TMEM132C: variants seen among roughly 807,000 people sequenced by gnomAD.
TMEM132C encodes the protein protein phosphatase 1, regulatory subunit 152.
TMEM132C carries 29 observed loss-of-function variants against 61.4 expected under a neutral mutation model. The ratio of observed to expected loss-of-function variants is 0.47; its 90% confidence interval spans 0.35 to 0.64. TMEM132C has a LOEUF of 0.64. Among genes scored for constraint, TMEM132C ranks in the 30% least tolerant of loss-of-function variants. The probability of loss-of-function intolerance (pLI) is 0.00; values close to 1 mark genes in which losing one functional copy is unlikely to be tolerated. For synonymous variants in TMEM132C, 656 were observed against 633.1 expected, an observed-to-expected ratio of 1.04 and a Z score of -0.54; for missense variants, 1,408 against 1,476.9, an observed-to-expected ratio of 0.95 and a Z score of 0.76.
chr12:128,527,707 ATGTGTGTGTGTG>A (rs5801799), intron 2 of TMEM132C, among the ~76,000 whole-genome samples: 2 of 147,196 alleles, frequency 1.4e-5, no homozygotes. Context: ...ATGTGCATGT[ATGTGTGTGTGTG>A]TGTGTGTGTG....
At chr12:128,268,014 G>A (rs937894115) in intron 1 of TMEM132C, among the ~76,000 whole-genome samples, 1 of 152,218 alleles carries the variant, frequency 6.6e-6, no homozygotes, top group Admixed American at 6.5e-5. Context: ...GTCTCTGTGC[G>A]GGCCCTAGAG....
chr12:128,289,316 G>A (rs1209884954), intron 1 of TMEM132C, among the ~76,000 whole-genome samples: 3 of 152,162 alleles, frequency 2.0e-5, no homozygotes, highest in African/African-American at 2.4e-5. Flanking sequence ...ACACATACGT[G>A]AATGCAGCCT....
At chr12:128,280,702 T>G (rs142890093) in intron 1 of TMEM132C, among the ~76,000 whole-genome samples, 4 of 152,218 alleles carry the variant, frequency 2.6e-5, no homozygotes, top group Non-Finnish European at 5.9e-5. Context: ...TGTTATACTG[T>G]TGGCTTCCTT....
intron 4 of TMEM132C, among the ~76,000 whole-genome samples, chr12:128,620,653 T>A (rs929947026): frequency 2.0e-5 from 3 of 152,198 alleles, no homozygotes; most frequent in Non-Finnish European, 4.4e-5. Context: ...GACTGATATA[T>A]TTAGTCTGAA....
intron 3 of TMEM132C, among the ~76,000 whole-genome samples, chr12:128,602,736 C>G (rs957408400): frequency 2.0e-5 from 3 of 152,200 alleles, no homozygotes; most frequent in Non-Finnish European, 4.4e-5. Context: ...TGGAATTAGG[C>G]CAATGTCCCA....
intron 2 of TMEM132C, among the ~76,000 whole-genome samples, chr12:128,521,317 ATATGTGTGTGTGTGTG>A (rs1372978831): frequency 2.1e-5 from 3 of 146,196 alleles, no homozygotes; most frequent in South Asian, 2.3e-4. Flanking sequence ...GTATATATAT[ATATGTGTGTGTGTGTG>A]TGTGTGTGTG....
intron 4 of TMEM132C, among the ~76,000 whole-genome samples, chr12:128,637,120 T>G (rs1954110072): frequency 6.6e-6 from 1 of 152,218 alleles, no homozygotes; most frequent in African/African-American, 2.4e-5. Context: ...TGGATATACC[T>G]CCAGAAGTGG....
At chr12:128,403,843 A>G (rs1329732042) in intron 1 of TMEM132C, among the ~76,000 whole-genome samples, 2 of 152,220 alleles carry the variant, frequency 1.3e-5, no homozygotes, top group African/African-American at 4.8e-5. Context: ...CTTTGATTAA[A>G]GTCCTTCCCC....
chr12:128,272,669 A>G (rs1220110703), intron 1 of TMEM132C, among the ~76,000 whole-genome samples: 1 of 152,126 alleles, frequency 6.6e-6, no homozygotes, highest in Non-Finnish European at 1.5e-5. Context: ...GCAGCATTTG[A>G]TATTATCCAT....
chr12:128,604,406 A>AAGATAGAT (rs199758796), intron 3 of TMEM132C, among the ~76,000 whole-genome samples: 24,078 of 144,338 alleles, frequency 0.17, 2,168 homozygotes, highest in Middle Eastern at 0.19. Flanking sequence ...TAATGGATGG[A>AAGATAGAT]AGATAGATAG....
At chr12:128,510,072 G>A (rs916461763) in intron 2 of TMEM132C, among the ~76,000 whole-genome samples, 1 of 152,184 alleles carries the variant, frequency 6.6e-6, no homozygotes, top group Non-Finnish European at 1.5e-5. Flanking sequence ...CACTCCTGAG[G>A]CTGGTGACCT....
intron 3 of TMEM132C, among the ~76,000 whole-genome samples, chr12:128,577,592 T>A (rs114478945): frequency 0.012 from 1,874 of 152,352 alleles, 46 homozygotes; most frequent in African/African-American, 0.043. Context: ...CGGAAACTAA[T>A]TGGCCCATCA....
intron 5 of TMEM132C, among the ~76,000 whole-genome samples, chr12:128,671,775 T>G (rs1954534869): frequency 6.6e-6 from 1 of 152,190 alleles, no homozygotes; most frequent in South Asian, 2.1e-4. Context: ...ATCCATATAC[T>G]ATGACGATTC....
chr12:128,574,562 ACT>A (rs1026090196), intron 3 of TMEM132C, among the ~76,000 whole-genome samples: 1 of 152,060 alleles, frequency 6.6e-6, no homozygotes, highest in African/African-American at 2.4e-5. Context: ...GCATGCTGTC[ACT>A]CTGTTTCTTT....
intron 2 of TMEM132C, among the ~76,000 whole-genome samples, chr12:128,536,658 C>G (rs546727495): frequency 6.6e-6 from 1 of 152,092 alleles, no homozygotes; most frequent in Non-Finnish European, 1.5e-5. Context: ...GCATGGGGAC[C>G]CCCTGGTAAT....
intron 1 of TMEM132C, among the ~76,000 whole-genome samples, chr12:128,357,910 G>T (rs1313099075): frequency 6.6e-6 from 1 of 150,422 alleles, no homozygotes; most frequent in African/African-American, 2.4e-5. Flanking sequence ...TTTCTCTCCA[G>T]TTCTGCTTGT....
intron 1 of TMEM132C, among the ~76,000 whole-genome samples, chr12:128,350,394 G>A (rs76582467): frequency 0.017 from 2,568 of 152,264 alleles, 24 homozygotes; most frequent in Non-Finnish European, 0.027. Flanking sequence ...AGAGCGTGAC[G>A]GGGCCACCCC....
At position 128,372,752 on chromosome 12, in the gene TMEM132C, C is replaced by T. The variant is rs534247305; in HGVS notation, c.86-41980C>T. 5.3e-5 allele frequency among the ~76,000 whole-genome samples: 8 copies of T among 152,032 alleles called. No individual in the cohort carries two copies. The South Asian group carries it at 1.7e-3, about 32-fold the overall frequency. ...AAGCTTTGTAAACAGAAAGCTGAAC[C>T]TGAGGACTTGTATACAACCCCCGAG... On this transcript the variant is annotated intron_variant, in intron 1 of 8. Transcript: ENST00000435159.
At chr12:128,390,968 T>G (rs1258300834) in intron 1 of TMEM132C, among the ~76,000 whole-genome samples, 14 of 152,214 alleles carry the variant, frequency 9.2e-5, no homozygotes, top group Admixed American at 9.2e-4. Flanking sequence ...TGAAGAGTTG[T>G]GTGCTGTCCT....
Sources: gnomAD v4.1 joint callset for allele counts (sites outside exome capture counted in the v4.1 genomes callset) on GRCh38, gnomAD v4.1.1 for gene constraint, MANE v1.5 for transcripts, NCBI Gene and HGNC (gene_info 2026-07-23, HGNC 2026-07-21) for gene names.